CSMD1: variants seen among roughly 807,000 people sequenced by gnomAD.
CSMD1 encodes the protein CUB and sushi domain-containing protein 1.
Under a neutral mutation model 417.5 loss-of-function variants are expected in CSMD1, and 213 were observed. The observed-to-expected ratio is 0.51, with a 90% CI of 0.46 to 0.57. The LOEUF is 0.57. Among genes scored for constraint, CSMD1 ranks in the 20% least tolerant of loss-of-function variants. The pLI is 0.00. For synonymous variants in CSMD1, 2,862 were observed against 1,736.8 expected, an observed-to-expected ratio of 1.65 and a Z score of -16.11; for missense variants, 6,923 against 4,529.7, an observed-to-expected ratio of 1.53 and a Z score of -15.17.
chr8:4,366,342 G>A (rs991627862), intron 3 of CSMD1, among the ~76,000 whole-genome samples: 2 of 151,874 alleles, frequency 1.3e-5, no homozygotes, highest in East Asian at 1.9e-4. Context: ...GGTGAACATC[G>A]TGGCTGATTC....
chr8:3,762,603 T>C (rs562469000), intron 5 of CSMD1, among the ~76,000 whole-genome samples: 3 of 152,320 alleles, frequency 2.0e-5, no homozygotes, highest in East Asian at 3.9e-4. Flanking sequence ...GGGAAGCCCA[T>C]GACTTGGCCC....
At chr8:3,029,585 G>A (rs1003512375) in intron 50 of CSMD1, 72 bp from the exon 51 acceptor site, 5 of 1,341,820 alleles carry the variant, frequency 3.7e-6, no homozygotes, top group Middle Eastern at 3.8e-4. Context: ...TGCTTTGGAT[G>A]GCAAGGTCTT....
intron 50 of CSMD1, among the ~76,000 whole-genome samples, chr8:3,041,710 A>C (rs1811111074): frequency 2.0e-5 from 3 of 152,216 alleles, no homozygotes; most frequent in Non-Finnish European, 4.4e-5. Flanking sequence ...TAAATGAAAG[A>C]TGAGGATGCC....
intron 2 of CSMD1, among the ~76,000 whole-genome samples, chr8:4,596,200 G>C (rs752354354): frequency 6.6e-5 from 10 of 152,140 alleles, no homozygotes; most frequent in Admixed American, 1.3e-4. Context: ...AGTAAGTTTG[G>C]TTTTGGTAGG....
At chr8:3,552,126 G>T (rs1404295072) in intron 10 of CSMD1, among the ~76,000 whole-genome samples, 1 of 152,140 alleles carries the variant, frequency 6.6e-6, no homozygotes, top group Non-Finnish European at 1.5e-5. Flanking sequence ...TTACATGGAG[G>T]CACTTTGAAT....
intron 1 of CSMD1, among the ~76,000 whole-genome samples, chr8:4,728,611 T>C (rs1800445504): frequency 6.6e-6 from 1 of 152,190 alleles, no homozygotes; most frequent in African/African-American, 2.4e-5. Context: ...TCCTTCCTAT[T>C]CCAAATAAAA....
At chr8:4,054,406 C>G (rs1020624015) in intron 3 of CSMD1, among the ~76,000 whole-genome samples, 2 of 152,158 alleles carry the variant, frequency 1.3e-5, no homozygotes, top group African/African-American at 4.8e-5. Context: ...TCTACCCTAG[C>G]TAGGCACCCA....
chr8:3,040,054 G>C (rs575793182), intron 50 of CSMD1, among the ~76,000 whole-genome samples: 2 of 152,310 alleles, frequency 1.3e-5, no homozygotes, highest in African/African-American at 4.8e-5. Context: ...GTGAAAAGGA[G>C]TCTCCTATGG....
intron 3 of CSMD1, among the ~76,000 whole-genome samples, chr8:4,298,781 A>T (rs1221644823): frequency 6.6e-6 from 1 of 152,088 alleles, no homozygotes; most frequent in African/African-American, 2.4e-5. Flanking sequence ...GAATAAATTT[A>T]TTTTGAAGAA....
chr8:3,118,798 T>C (rs1366498006), intron 41 of CSMD1, among the ~76,000 whole-genome samples: 2 of 152,200 alleles, frequency 1.3e-5, no homozygotes, highest in African/African-American at 4.8e-5. Flanking sequence ...TAATAAATAG[T>C]GTGTACTTTA....
At chr8:4,289,959 G>C (rs1055135100) in intron 3 of CSMD1, among the ~76,000 whole-genome samples, 4 of 152,188 alleles carry the variant, frequency 2.6e-5, no homozygotes, top group African/African-American at 9.6e-5. Context: ...CTTGAGAGGA[G>C]ACTCATTATT....
intron 50 of CSMD1, among the ~76,000 whole-genome samples, chr8:3,051,166 T>C (rs1237328960): frequency 1.3e-5 from 2 of 152,246 alleles, no homozygotes; most frequent in African/African-American, 2.4e-5. Context: ...ACTGCAGCGC[T>C]ATTCACAATA....
intron 1 of CSMD1, among the ~76,000 whole-genome samples, chr8:4,988,213 T>G (rs988887907): frequency 2.6e-5 from 4 of 152,172 alleles, no homozygotes; most frequent in Admixed American, 6.5e-5. Flanking sequence ...TGCATTACTC[T>G]CCGCTTTACA....
chr8:4,038,795 T>C (rs1417706444), intron 3 of CSMD1, among the ~76,000 whole-genome samples: 1 of 152,216 alleles, frequency 6.6e-6, no homozygotes, highest in African/African-American at 2.4e-5. Context: ...CTGGGCACAG[T>C]TGTTTTCTCT....
At chr8:4,867,311 T>C (rs1802474116) in intron 1 of CSMD1, among the ~76,000 whole-genome samples, 1 of 152,078 alleles carries the variant, frequency 6.6e-6, no homozygotes, top group African/African-American at 2.4e-5. Flanking sequence ...ATTGCCCCAC[T>C]GTTTATATCT....
chr8:3,831,256 C>G (rs140005727), intron 5 of CSMD1, among the ~76,000 whole-genome samples: 1 of 152,132 alleles, frequency 6.6e-6, no homozygotes, highest in African/African-American at 2.4e-5. Flanking sequence ...GAGAATACTG[C>G]TCTTAGTTAT....
Position 3,819,682 on chromosome 8 carries a change from T to C in CSMD1, c.819-65640A>G, listed in dbSNP as rs187773747. Among the ~76,000 whole-genome samples the C allele has an allele frequency of 3.8e-4, 58 of 151,832 alleles. No homozygotes were observed. In the East Asian group the frequency reaches 0.01, roughly 27 times the overall value. On this transcript the variant is annotated intron_variant, in intron 5 of 69. Coordinates refer to ENST00000635120, the MANE Select transcript of CSMD1 (RefSeq NM_033225.6). ...CACTGCGGCCTTGGCCTACTGGGGG[T>C]CTTAGGTGATCCTCCAATCTCAGCC...
At chr8:3,806,898 T>C (rs1228774908) in intron 5 of CSMD1, among the ~76,000 whole-genome samples, 1 of 152,162 alleles carries the variant, frequency 6.6e-6, no homozygotes, top group Non-Finnish European at 1.5e-5. Context: ...CTTAATATAA[T>C]TTAATCCAGT....
intron 3 of CSMD1, among the ~76,000 whole-genome samples, chr8:4,360,276 C>G (rs1282333889): frequency 1.3e-5 from 2 of 152,136 alleles, no homozygotes; most frequent in East Asian, 3.9e-4. Context: ...CCTGAATTTG[C>G]TTTTACTTAA....
Sources: allele counts gnomAD v4.1 joint callset (sites outside exome capture counted in the v4.1 genomes callset), GRCh38; gene constraint gnomAD v4.1.1; transcripts MANE v1.5; gene names NCBI Gene and HGNC (gene_info 2026-07-23, HGNC 2026-07-21).